PPM1H: variants seen among roughly 807,000 people sequenced by gnomAD.
PPM1H encodes protein phosphatase, Mg2+/Mn2+ dependent 1H.
PPM1H carries 27 observed loss-of-function variants against 54.9 expected under a neutral mutation model. The ratio of observed to expected loss-of-function variants is 0.49; its 90% CI spans 0.36 to 0.68. The LOEUF (loss-of-function observed/expected upper bound fraction) is 0.68, where lower values mean the gene tolerates loss of function less well. Among genes scored for constraint, PPM1H ranks in the 30% least tolerant of loss-of-function variants. The pLI, the probability that PPM1H is intolerant of heterozygous loss-of-function variation, is 0.00. For missense variants in PPM1H, 596 were observed against 667.8 expected (o/e 0.89, Z 1.19); for synonymous variants, 305 against 270.8 (o/e 1.13, Z -1.24).
At chr12:62,914,846 C>T (rs771346816) in intron 1 of PPM1H, among the ~76,000 whole-genome samples, 18 of 152,184 alleles carry the variant, frequency 1.2e-4, no homozygotes, top group Non-Finnish European at 2.5e-4. Context: ...CGCTAGATGT[C>T]GCTAACATCT....
chr12:62,911,514 T>G (rs996913727), intron 1 of PPM1H, among the ~76,000 whole-genome samples: 1 of 152,324 alleles, frequency 6.6e-6, no homozygotes, highest in South Asian at 2.1e-4. Flanking sequence ...CGTTTGGAGA[T>G]CTTACAGTGT....
At chr12:62,752,433 T>C (rs948420761) in intron 4 of PPM1H, among the ~76,000 whole-genome samples, 1 of 152,206 alleles carries the variant, frequency 6.6e-6, no homozygotes, top group Non-Finnish European at 1.5e-5. Flanking sequence ...TAAATAAAAA[T>C]TTAACATTTT....
intron 4 of PPM1H, among the ~76,000 whole-genome samples, chr12:62,770,590 A>T (rs1248258825): frequency 2.0e-5 from 3 of 152,080 alleles, no homozygotes; most frequent in Non-Finnish European, 4.4e-5. Flanking sequence ...AAATTGGTGC[A>T]GTCCATTTGG....
chr12:62,748,529 A>AACACACACACACAC lies in PPM1H; in HGVS notation c.870-10957_870-10944dup, dbSNP rs3052402. ...TGTAGTTAAATGTGTTTCAGTGTAG[A>AACACACACACACAC]ACACACACACACACACACACACACA... On this transcript the variant is annotated intron_variant, in intron 4 of 9. Transcript: ENST00000228705. Among the ~76,000 whole-genome samples, 225 of 147,396 alleles carry AACACACACACACAC rather than the reference A, an allele frequency of 1.5e-3. 2 individuals are homozygous for AACACACACACACAC. The highest frequency in any genetic ancestry group is 4.7e-3 in the African/African-American group (189 of 39,854).
chr12:62,677,258 T>A (rs866871980), intron 8 of PPM1H, among the ~76,000 whole-genome samples: 71 of 152,208 alleles, frequency 4.7e-4, no homozygotes, highest in African/African-American at 1.6e-3. Context: ...TCATTCTTCC[T>A]GGATGTGGGA....
In PPM1H at chr12:62,755,183, C is replaced by T. The variant is rs114043428; in HGVS notation, c.870-17597G>A. The T allele has an allele frequency of 4.6e-3, 2,641 of 579,668 alleles. 20 individuals carry two copies. Among genetic ancestry groups the T allele is most frequent in the African/African-American group, 0.022 (1,214 of 54,042 alleles). The allele number at this position is 579,668 out of a possible 1,614,324, so 35.9% of individuals were successfully genotyped here. On this transcript the variant is annotated intron_variant, in intron 4 of 9. Transcript: ENST00000228705. Reference sequence around the variant, plus strand: ...CTGCTCCTCCCATTTGACAGACAGCCGCCTCTTCTCTCTCATTGACAGCTG... The same window carrying T: ...CTGCTCCTCCCATTTGACAGACAGCTGCCTCTTCTCTCTCATTGACAGCTG...
rs568251491 is a variant in PPM1H, at chr12:62,801,040, T to C, written c.756+776A>G. On this transcript the variant is annotated intron_variant, in intron 3 of 9. Coordinates refer to ENST00000228705, the MANE Select transcript of PPM1H (RefSeq NM_020700.2). ...ATATTGGCCCCTGGCTCTGTTCTCC[T>C]CCAGCACTTTGTCTGCAGTGTGAAC... Among the ~76,000 whole-genome samples the C allele has an allele frequency of 2.0e-5, 3 of 152,358 alleles. No individual in the cohort carries two copies. The South Asian group carries it at 6.2e-4, about 32-fold the overall frequency.
intron 4 of PPM1H, among the ~76,000 whole-genome samples, chr12:62,742,919 C>G (rs2076390210): frequency 6.6e-6 from 1 of 152,144 alleles, no homozygotes; most frequent in Non-Finnish European, 1.5e-5. Context: ...AAGACTACAG[C>G]TGAAATTTAT....
At chr12:62,831,707 A>ATGTGTG (rs371871033) in intron 2 of PPM1H, among the ~76,000 whole-genome samples, 2 of 117,222 alleles carry the variant, frequency 1.7e-5, no homozygotes, top group African/African-American at 6.7e-5. Context: ...TTGTGTGTGT[A>ATGTGTG]TGTGTGTGTG....
At chr12:62,672,544 C>T (rs2075962372) in intron 8 of PPM1H, among the ~76,000 whole-genome samples, 1 of 152,188 alleles carries the variant, frequency 6.6e-6, no homozygotes, top group Non-Finnish European at 1.5e-5. Flanking sequence ...TTGTACAGAT[C>T]TGAGCTGCAT....
At chr12:62,742,482 T>G (rs1349113392) in intron 4 of PPM1H, among the ~76,000 whole-genome samples, 1 of 152,188 alleles carries the variant, frequency 6.6e-6, no homozygotes, top group Non-Finnish European at 1.5e-5. Flanking sequence ...GAAAGGGGTT[T>G]CAAACGGAAC....
intron 2 of PPM1H, 89 bp downstream of exon 2, chr12:62,832,025 G>A: frequency 1.4e-6 from 2 of 1,453,542 alleles, no homozygotes; most frequent in Non-Finnish European, 1.9e-6. Context: ...TTCCATTCCA[G>A]ATTTAGGTGA....
chr12:62,799,798 G>C (rs1241196341), intron 3 of PPM1H, among the ~76,000 whole-genome samples: 1 of 151,990 alleles, frequency 6.6e-6, no homozygotes, highest in African/African-American at 2.4e-5. Flanking sequence ...GCACAAGCTG[G>C]AATACAGTGA....
chr12:62,817,702 G>T (rs2076879638), intron 2 of PPM1H, among the ~76,000 whole-genome samples: 2 of 152,078 alleles, frequency 1.3e-5, no homozygotes, highest in Admixed American at 1.3e-4. Flanking sequence ...ATGTTTCGGG[G>T]GTGAAAGAGT....
At chr12:62,774,972 G>A (rs2076601527) in intron 4 of PPM1H, among the ~76,000 whole-genome samples, 1 of 152,128 alleles carries the variant, frequency 6.6e-6, no homozygotes, top group African/African-American at 2.4e-5. Flanking sequence ...CAGTAAAAAA[G>A]GGAAACTGGA....
chr12:62,695,634 G>T (rs1004587066), intron 6 of PPM1H, among the ~76,000 whole-genome samples: 5 of 152,076 alleles, frequency 3.3e-5, no homozygotes, highest in Admixed American at 6.5e-5. Flanking sequence ...ATGAGTTTGG[G>T]GGGGGAACAA....
chr12:62,697,393 A>C (rs2076120686), intron 6 of PPM1H, among the ~76,000 whole-genome samples: 1 of 151,934 alleles, frequency 6.6e-6, no homozygotes. Context: ...GCTGGGATTG[A>C]TCCATGTTCT....
chr12:62,650,463 A>G (rs11174580), intron 9 of PPM1H, among the ~76,000 whole-genome samples: 9,179 of 152,250 alleles, frequency 0.06, 338 homozygotes, highest in African/African-American at 0.077. Flanking sequence ...AAAGGCCTCC[A>G]AAGAGATCTT....
chr12:62,701,535 T>C (rs1592551655), intron 6 of PPM1H, among the ~76,000 whole-genome samples: 1 of 152,206 alleles, frequency 6.6e-6, no homozygotes, highest in African/African-American at 2.4e-5. Flanking sequence ...TCCACAAGCA[T>C]CACTCTCCAC....
Sources: allele counts gnomAD v4.1 joint callset (sites outside exome capture counted in the v4.1 genomes callset), GRCh38; gene constraint gnomAD v4.1.1; transcripts MANE v1.5; gene names NCBI Gene and HGNC (gene_info 2026-07-23, HGNC 2026-07-21).